The following BRF2 variants were observed in gnomAD, a reference collection of about 807,000 sequenced individuals.
BRF2 encodes transcription factor IIIB 50 kDa subunit.
In BRF2, 17 loss-of-function variants were observed where a neutral mutation model predicts 26.6. The ratio of observed to expected loss-of-function variants is 0.64; its 90% confidence interval spans 0.44 to 0.96. BRF2 has a LOEUF of 0.96. Among genes scored for constraint, BRF2 ranks in the 40% least tolerant of loss-of-function variants. The pLI, the probability that BRF2 is intolerant of heterozygous loss-of-function variation, is 0.00. For synonymous variants in BRF2, 219 were observed against 226.6 expected (o/e 0.97, Z 0.30); for missense variants, 515 against 537.0 (o/e 0.96, Z 0.40).
rs781617227 is a variant in BRF2 at position 37,843,577 on chromosome 8, G to A, written c.*913C>T. ...AAACCGAGGGAACCCTGGGTCTTGG[G>A]AAGAACAACAGGAAACCAAGGTCTG... On this transcript the variant is annotated 3_prime_UTR_variant, in exon 4 of 4. Coordinates refer to ENST00000220659, the MANE Select transcript of BRF2 (RefSeq NM_018310.4). The A allele has an allele frequency of 2.0e-5, 3 of 152,158 alleles. No individual in the cohort carries two copies. Among genetic ancestry groups the A allele is most frequent in the Non-Finnish European group, 4.4e-5 (3 of 68,048 alleles). The allele number at this position is 152,158 out of a possible 1,614,324, so 9.4% of individuals were successfully genotyped here. A position where few individuals can be genotyped will look rare whatever the true frequency, so the allele number is the denominator to read the frequency against.
chr8:37,846,552 C>T (rs1805960847), intron 3 of BRF2, among the ~76,000 whole-genome samples: 2 of 151,912 alleles, frequency 1.3e-5, no homozygotes, highest in South Asian at 2.1e-4. Flanking sequence ...GTCAGGAGTT[C>T]GAGATCAGCC....
chr8:37,847,529 ATTTATT>A (rs1805984743), intron 2 of BRF2, among the ~76,000 whole-genome samples: 2 of 151,984 alleles, frequency 1.3e-5, no homozygotes, highest in South Asian at 4.2e-4. Context: ...TATTTGTTTT[ATTTATT>A]TTATTATTTT....
rs1161017970 is a variant in BRF2 at position 37,847,090 on chromosome 8, T to A, written c.300A>T (p.Ala100=). 6.2e-7 allele frequency: 1 copy of A among 1,614,244 alleles called. No individual in the cohort carries two copies. The highest frequency in any genetic ancestry group is 2.2e-5 in the East Asian group (1 of 44,878). The change falls in exon 3 of 4, where the codon GCA becomes GCT. Residue 100 remains alanine, a synonymous_variant. Coordinates refer to ENST00000220659, the MANE Select transcript of BRF2 (RefSeq NM_018310.4). ...CCGCTCGGATGCCAGAGTGCCGATATGCCTGTTGGTAGTAGGCAACCGCGG... is the reference window on the plus strand; with the variant it reads ...CCGCTCGGATGCCAGAGTGCCGATAAGCCTGTTGGTAGTAGGCAACCGCGG... ...EDTAVAYYQQ[A]YRHSGIRAAR... is the part of the protein sequence containing the mutation.
At chr8:37,846,074 T>A (rs1055580267) in intron 3 of BRF2, among the ~76,000 whole-genome samples, 3 of 151,974 alleles carry the variant, frequency 2.0e-5, no homozygotes, top group Non-Finnish European at 4.4e-5. Context: ...TTTGGCGGGG[T>A]GCAGTGGCTC....
At position 37,844,558 on chromosome 8, in the gene BRF2, C is replaced by G; in HGVS notation, c.1192G>C (p.Glu398Gln). The change falls in exon 4 of 4, where the codon GAA becomes CAA. Residue 398 changes from glutamate (E) to glutamine (Q), a missense_variant. Coordinates refer to ENST00000220659, the MANE Select transcript of BRF2 (RefSeq NM_018310.4). ...TGGGCTCTCTGAAAGTCCCTAACTT[C>G]CTGAGGGGTACGCAAATACTGTTCT... ...EIEQYLRTPQ[E>Q]VRDFQRAQAA... 6.2e-7 allele frequency: 1 copy of G among 1,613,978 alleles called. No homozygotes were observed. The highest frequency in any genetic ancestry group is 8.5e-7 in the Non-Finnish European group (1 of 1,179,996).
chr8:37,844,215 TTCCCA>T lies in BRF2; in HGVS notation c.*270_*274del, dbSNP rs2130083536. On this transcript the variant is annotated 3_prime_UTR_variant, in exon 4 of 4. Coordinates refer to ENST00000220659, the MANE Select transcript of BRF2 (RefSeq NM_018310.4). Reference sequence around the variant, plus strand: ...AACCAGCAGCAAAGAGCCTGACATTTTCCCATCCATCTATGAGGAAAGCCATCTCA... The same window carrying T: ...AACCAGCAGCAAAGAGCCTGACATTTTCCATCTATGAGGAAAGCCATCTCA... 2.3e-6 allele frequency: 1 copy of T among 443,172 alleles called. No homozygotes were observed. The highest frequency in any genetic ancestry group is 3.7e-5 in the East Asian group (1 of 27,044). The allele number at this position is 443,172 out of a possible 1,614,324, so 27.5% of individuals were successfully genotyped here.
At position 37,848,598 on chromosome 8, in the gene BRF2, C is replaced by T; in HGVS notation, c.212G>A (p.Arg71Gln). 6.2e-7 allele frequency: 1 copy of T among 1,614,026 alleles called. No homozygotes were observed. Among genetic ancestry groups the T allele is most frequent in the Non-Finnish European group, 8.5e-7 (1 of 1,179,898 alleles). The part of the protein sequence containing the change: ...ENEQVSRSQQ[R>Q]GLRRVRDLCR... ...TGTTGTAAAAGGTCAATTCTCACCT[C>T]GTTGCTGGCTGCGACTAACTTGTTC... The change falls in exon 2 of 4, where the codon CGA becomes CAA. Residue 71 changes from arginine (R) to glutamine (Q), a missense_variant and splice_region_variant. Coordinates refer to ENST00000220659, the MANE Select transcript of BRF2 (RefSeq NM_018310.4).
At chr8:37,845,943 C>T (rs1353574813) in intron 3 of BRF2, among the ~76,000 whole-genome samples, 1 of 152,246 alleles carries the variant, frequency 6.6e-6, no homozygotes, top group Non-Finnish European at 1.5e-5. Context: ...TAGGAACTGC[C>T]ATGCACAGAG....
At chr8:37,846,190 A>C (rs552802710) in intron 3 of BRF2, among the ~76,000 whole-genome samples, 5 of 151,978 alleles carry the variant, frequency 3.3e-5, no homozygotes, top group Non-Finnish European at 7.4e-5. Context: ...CTCTACTAAA[A>C]ACAAAAAATT....
At position 37,844,702 on chromosome 8, in the gene BRF2, G is replaced by A. The variant is rs747225796; in HGVS notation, c.1048C>T (p.Arg350Trp). 7 of 1,613,952 alleles carry A rather than the reference G, an allele frequency of 4.3e-6. No homozygotes were observed. The highest frequency in any genetic ancestry group is 1.3e-5 in the African/African-American group (1 of 74,900). ...NNSLGLPQGK[R>W]PASPALLLPP... ...AAGAGAAGGGCAGGACTGGCCGGCC[G>A]CTTCCCCTGGGGTAAACCTAAGGAA... Residue 350 changes from arginine to tryptophan, a missense_variant, in exon 4 of 4, where the codon CGG (arginine) becomes TGG (tryptophan). By Grantham distance (101) the Arg-to-Trp change is moderately radical (BLOSUM62 -3). Transcript: ENST00000220659.
At position 37,844,970 on chromosome 8, in the gene BRF2, G is replaced by A; in HGVS notation, c.780C>T (p.Tyr260=). Reference sequence around the variant, plus strand: ...GCTCCTGCAGGCGGGAGGACGCCGGGTAGGGCAGGTCCACATTTGCCAATT... The same window carrying A: ...GCTCCTGCAGGCGGGAGGACGCCGGATAGGGCAGGTCCACATTTGCCAATT... ...FCKLANVDLP[Y]PASSRLQELL... is the part of the protein sequence containing the mutation. Residue 260 remains tyrosine, a synonymous_variant, in exon 4 of 4, where the codon TAC becomes TAT. Transcript: ENST00000220659. 6.2e-7 allele frequency: 1 copy of A among 1,614,064 alleles called. No homozygotes were observed. The highest frequency in any genetic ancestry group is 8.5e-7 in the Non-Finnish European group (1 of 1,180,030).
chr8:37,848,736 G>A (rs1563359748), intron 1 of BRF2, 81 bp from the exon 2 acceptor site: 5 of 1,172,500 alleles, frequency 4.3e-6, no homozygotes, highest in Admixed American at 3.5e-5. Flanking sequence ...AAACCAGGAC[G>A]CAAAATTCAA....
chr8:37,843,615 CT>C lies in BRF2; in HGVS notation c.*874del. On this transcript the variant is annotated 3_prime_UTR_variant, in exon 4 of 4. Transcript: ENST00000220659. ...AAACCAAGGTCTGACCTAGGGTTCC[CT>C]CCCAGTCTTCACATCACTCTGGCCT... is the stretch of plus-strand genomic sequence containing the variant. 6.6e-6 allele frequency: 1 copy of C among 152,436 alleles called. No homozygotes were observed. Among genetic ancestry groups the C allele is most frequent in the Non-Finnish European group, 1.5e-5 (1 of 68,052 alleles). 9.4% of individuals were successfully genotyped at this position (152,436 alleles called of 1,614,324 possible).
In BRF2 at chr8:37,844,317, T is replaced by C; in HGVS notation, c.*173A>G. The C allele has an allele frequency of 2.7e-6, 2 of 740,300 alleles. No individual in the cohort carries two copies. Among genetic ancestry groups the C allele is most frequent in the South Asian group, 3.7e-5 (2 of 53,382 alleles). The allele number at this position is 740,300 out of a possible 1,614,324, so 45.9% of individuals were successfully genotyped here. ...AATCTCTCCTACCTATAGTCATCCCTGCACTCCTGACTTTACTCCAGGACC... is the reference window on the plus strand; with the variant it reads ...AATCTCTCCTACCTATAGTCATCCCCGCACTCCTGACTTTACTCCAGGACC... On this transcript the variant is annotated 3_prime_UTR_variant, in exon 4 of 4. Transcript: ENST00000220659.
At chr8:37,848,835 G>A (rs1806012341) in intron 1 of BRF2, among the ~76,000 whole-genome samples, 180 bp from the exon 2 acceptor site, 1 of 152,218 alleles carries the variant, frequency 6.6e-6, no homozygotes, top group South Asian at 2.1e-4. Context: ...GACTGGGAAA[G>A]GTTAGGACTG....
chr8:37,844,837 G>C lies in BRF2; in HGVS notation c.913C>G (p.Gln305Glu). The C allele has an allele frequency of 6.2e-7, 1 of 1,614,214 alleles. No individual in the cohort carries two copies. The highest frequency in any genetic ancestry group is 8.5e-7 in the Non-Finnish European group (1 of 1,180,052). Residue 305 changes from glutamine (Q) to glutamate (E), a missense_variant, in exon 4 of 4, where the codon CAG becomes GAG. Coordinates refer to ENST00000220659, the MANE Select transcript of BRF2 (RefSeq NM_018310.4). ...CGAAAGGCAGAGCGGACCAGTGACT[G>C]GCGGTGCTGGAGAAGGTCACCGATG... ...KHIGDLLQHR[Q>E]SLVRSAFRDG... is the part of the protein sequence containing the mutation.
At position 37,846,927 on chromosome 8, in the gene BRF2, G is replaced by A; in HGVS notation, c.463C>T (p.Gln155Ter). 6.2e-7 allele frequency: 1 copy of A among 1,614,078 alleles called. No individual in the cohort carries two copies. Reference protein sequence around the residue: ...DLDVFSSTYMQIVKLLGLDVP... With the variant: ...DLDVFSSTYM ...TCCAGTCCCAGGAGCTTCACTATCT[G>A]CATGTAAGTGCTAGAAAACACATCC... Residue 155 changes from glutamine to a stop codon, truncating the protein, a stop_gained, in exon 3 of 4, where the codon CAG becomes TAG. Transcript: ENST00000220659. LOFTEE classifies it high-confidence loss of function.
At chr8:37,845,757 G>C in intron 3 of BRF2, 1 of 673,300 alleles carries the variant, frequency 1.5e-6, no homozygotes, top group Non-Finnish European at 2.7e-6. Flanking sequence ...AGCTATGATG[G>C]TGCCACTGCA....
chr8:37,844,315 C>T lies in BRF2; in HGVS notation c.*175G>A. 2 of 722,046 alleles carry T rather than the reference C, an allele frequency of 2.8e-6. No homozygotes were observed. Among genetic ancestry groups the T allele is most frequent in the Admixed American group, 2.9e-5 (1 of 34,810 alleles). The allele number at this position is 722,046 out of a possible 1,614,324, so 44.7% of individuals were successfully genotyped here. On this transcript the variant is annotated 3_prime_UTR_variant, in exon 4 of 4. Transcript: ENST00000220659. ...GGAATCTCTCCTACCTATAGTCATC[C>T]CTGCACTCCTGACTTTACTCCAGGA...
Sources: gnomAD v4.1 joint callset for allele counts (sites outside exome capture counted in the v4.1 genomes callset) on GRCh38, gnomAD v4.1.1 for gene constraint, MANE v1.5 for transcripts, NCBI Gene and HGNC (gene_info 2026-07-23, HGNC 2026-07-21) for gene names.